The following MAP3K20 variants were observed in gnomAD, a reference collection of about 807,000 sequenced individuals.
MAP3K20 encodes the protein mitogen-activated protein kinase kinase kinase 20.
In MAP3K20, 40 loss-of-function variants were observed where a neutral mutation model predicts 85.7. That is an observed-to-expected ratio of 0.47 (90% confidence interval 0.36 to 0.61). MAP3K20 has a LOEUF of 0.61. MAP3K20 is among the 20% of genes least tolerant of loss of function. MAP3K20 has a pLI of 0.00. For synonymous variants in MAP3K20, 325 were observed against 327.7 expected (o/e 0.99, Z 0.09); for missense variants, 817 against 961.7 (o/e 0.85, Z 1.99).
intron 14 of MAP3K20, among the ~76,000 whole-genome samples, chr2:173,237,018 C>CTTTTTTTTT (rs1388150311): frequency 3.3e-5 from 4 of 119,914 alleles, no homozygotes; most frequent in Admixed American, 8.9e-5. Flanking sequence ...AGTATATCCA[C>CTTTTTTTTT]CTTTTTTTTT....
rs550952098 is a variant in MAP3K20 at position 173,132,678 on chromosome 2, G to A, written c.160-37127G>A. ...GTGTGGTGTTAAAGGGATGGGTTCA[G>A]TATAGTGTAGTGACTAGGAGTGCAG... On this transcript the variant is annotated intron_variant, in intron 2 of 19. Coordinates refer to ENST00000375213, the MANE Select transcript of MAP3K20 (RefSeq NM_016653.3). Among the ~76,000 whole-genome samples the A allele has an allele frequency of 1.1e-4, 16 of 152,320 alleles. No homozygotes were observed. The East Asian group carries it at 3.1e-3, about 29-fold the overall frequency.
At chr2:173,088,136 T>C (rs1187700038) in intron 1 of MAP3K20, among the ~76,000 whole-genome samples, 1 of 152,024 alleles carries the variant, frequency 6.6e-6, no homozygotes, top group Non-Finnish European at 1.5e-5. Context: ...GAGAGATTAA[T>C]GGGGGGAATG....
At chr2:173,190,870 A>T (rs1170733955) in intron 5 of MAP3K20, 25 bp from the exon 6 acceptor site, 1 of 1,570,248 alleles carries the variant, frequency 6.4e-7, no homozygotes, top group Admixed American at 1.7e-5. Context: ...TGATTGTCAT[A>T]ATTTATCCTT....
rs1337693942 is a variant in MAP3K20, at chr2:173,266,651, G to C, written c.2304G>C (p.Trp768Cys). 6.2e-7 allele frequency: 1 copy of C among 1,613,220 alleles called. No individual in the cohort carries two copies. Reference sequence around the variant, plus strand: ...ACAGCAAAGTCAGCGAAGGGGGCTGGACAAAAGTGGAATACCGGAAAAAGC... The same window carrying C: ...ACAGCAAAGTCAGCGAAGGGGGCTGCACAAAAGTGGAATACCGGAAAAAGC... ...EEDSKVSEGG[W>C]TKVEYRKKPH... Residue 768 changes from tryptophan (W) to cysteine (C), a missense_variant, in exon 20 of 20, where the codon TGG (tryptophan) becomes TGC (cysteine). Transcript: ENST00000375213.
At chr2:173,144,481 A>G (rs199969647) in intron 2 of MAP3K20, among the ~76,000 whole-genome samples, 13,937 of 133,336 alleles carry the variant, frequency 0.1, 593 homozygotes, top group South Asian at 0.22. Context: ...AAAAAAAAAA[A>G]AAAAGAAAAG....
chr2:173,134,400 A>ATATATATGTG (rs1391097370), intron 2 of MAP3K20, among the ~76,000 whole-genome samples: 5 of 7,522 alleles, frequency 6.6e-4, no homozygotes, highest in Admixed American at 1.7e-3. Flanking sequence ...ATACATATAT[A>ATATATATGTG]TATATATATA....
intron 19 of MAP3K20, 140 bp downstream of exon 19, chr2:173,264,035 G>A: frequency 1.7e-6 from 2 of 1,201,080 alleles, no homozygotes; most frequent in Non-Finnish European, 2.2e-6. Flanking sequence ...AGAAAACCCA[G>A]TTGCAACTGG....
At chr2:173,185,610 A>G (rs1429908979) in intron 4 of MAP3K20, among the ~76,000 whole-genome samples, 1 of 152,216 alleles carries the variant, frequency 6.6e-6, no homozygotes, top group Non-Finnish European at 1.5e-5. Flanking sequence ...TGGAGCAATG[A>G]TATGTTGAGA....
chr2:173,114,224 G>T (rs534412203), intron 2 of MAP3K20, among the ~76,000 whole-genome samples: 1 of 152,022 alleles, frequency 6.6e-6, no homozygotes, highest in African/African-American at 2.4e-5. Context: ...CTTGCTTTTG[G>T]TGTCCATTTA....
chr2:173,205,438 A>G (rs954149517), intron 9 of MAP3K20, among the ~76,000 whole-genome samples: 2 of 152,214 alleles, frequency 1.3e-5, no homozygotes, highest in Non-Finnish European at 2.9e-5. Flanking sequence ...ACTGGGGACT[A>G]TGTTAGTATA....
At chr2:173,234,271 G>GCCCTGGATAACCTCCA (rs1246936963) in intron 14 of MAP3K20, among the ~76,000 whole-genome samples, 1 of 152,144 alleles carries the variant, frequency 6.6e-6, no homozygotes, top group African/African-American at 2.4e-5. Context: ...TCCAAGGGTG[G>GCCCTGGATAACCTCCA]CCCTGGATAA....
In MAP3K20 at chr2:173,223,611, G is replaced by C. The variant is rs903514707; in HGVS notation, c.988-6078G>C. Reference sequence around the variant, plus strand: ...ACATGCTTAGAATGTAAGCTAAACAGATTTTTTCTGTTGCTCTTTGAAAAC... The same window carrying C: ...ACATGCTTAGAATGTAAGCTAAACACATTTTTTCTGTTGCTCTTTGAAAAC... On this transcript the variant is annotated intron_variant, in intron 11 of 19. Coordinates refer to ENST00000375213, the MANE Select transcript of MAP3K20 (RefSeq NM_016653.3). The C allele has an allele frequency of 4.1e-6, 4 of 985,312 alleles. No homozygotes were observed. In the African/African-American group the frequency reaches 7.0e-5, roughly 17 times the overall value. The allele number at this position is 985,312 out of a possible 1,614,324, so 61.0% of individuals were successfully genotyped here. A position where few individuals can be genotyped will look rare whatever the true frequency, so the allele number is the denominator to read the frequency against.
At chr2:173,177,492 T>G (rs916240201) in intron 3 of MAP3K20, among the ~76,000 whole-genome samples, 20 of 139,376 alleles carry the variant, frequency 1.4e-4, no homozygotes, top group African/African-American at 5.0e-4. Flanking sequence ...TCACCCAGGC[T>G]GGAGTGTAGT....
chr2:173,263,247 G>A (rs1685336345), intron 18 of MAP3K20, among the ~76,000 whole-genome samples: 1 of 152,108 alleles, frequency 6.6e-6, no homozygotes, highest in Admixed American at 6.5e-5. Flanking sequence ...CTCCGTGCAG[G>A]TAATTCACCC....
chr2:173,091,847 A>C (rs992628946), intron 2 of MAP3K20, among the ~76,000 whole-genome samples: 9 of 152,218 alleles, frequency 5.9e-5, no homozygotes, highest in Non-Finnish European at 1.3e-4. Flanking sequence ...GGAATGAGAT[A>C]TAACATGGTT....
intron 12 of MAP3K20, among the ~76,000 whole-genome samples, chr2:173,230,000 T>A (rs1684485224): frequency 6.6e-6 from 1 of 152,068 alleles, no homozygotes; most frequent in Non-Finnish European, 1.5e-5. Flanking sequence ...CCTGGCTAAT[T>A]TTTGTATTTT....
intron 9 of MAP3K20, among the ~76,000 whole-genome samples, chr2:173,205,117 A>AAAT (rs1559277739): frequency 2.7e-5 from 4 of 146,402 alleles, no homozygotes; most frequent in African/African-American, 7.7e-5. Flanking sequence ...AAAAAAAAAA[A>AAAT]AAAAATAAAT....
intron 11 of MAP3K20, among the ~76,000 whole-genome samples, chr2:173,228,583 T>G (rs965299572): frequency 6.6e-6 from 1 of 152,202 alleles, no homozygotes; most frequent in African/African-American, 2.4e-5. Context: ...AGATACCGTA[T>G]GCCAGGCACT....
intron 11 of MAP3K20, chr2:173,221,893 A>G (rs1684261913): frequency 1.0e-6 from 1 of 994,430 alleles, no homozygotes; most frequent in Non-Finnish European, 1.2e-6. Context: ...ATCATTTTTA[A>G]AAACTTACAT....
Sources: gnomAD v4.1 joint callset for allele counts (sites outside exome capture counted in the v4.1 genomes callset) on GRCh38, gnomAD v4.1.1 for gene constraint, MANE v1.5 for transcripts, NCBI Gene and HGNC (gene_info 2026-07-23, HGNC 2026-07-21) for gene names.